Variants in BFAR observed in about 807,000 individuals in gnomAD.
BFAR encodes RING finger protein 47.
BFAR carries 52 observed loss-of-function variants against 54.4 expected under a neutral mutation model. The ratio of observed to expected loss-of-function variants is 0.96; its 90% CI spans 0.77 to 1.21. BFAR has a LOEUF of 1.21. Among genes scored for constraint, BFAR ranks in the 50% most tolerant of loss-of-function variants. The probability of loss-of-function intolerance (pLI) is 0.00; values close to 1 mark genes in which losing one functional copy is unlikely to be tolerated. For synonymous variants in BFAR, 215 were observed against 204.3 expected (o/e 1.05, Z -0.45); for missense variants, 571 against 534.0 (o/e 1.07, Z -0.68).
At chr16:14,641,744 C>T (rs992904577) in intron 1 of BFAR, among the ~76,000 whole-genome samples, 16 of 151,534 alleles carry the variant, frequency 1.1e-4, no homozygotes, top group African/African-American at 3.9e-4. Flanking sequence ...GCCTGTAATC[C>T]CAGCTACTTA....
intron 2 of BFAR, among the ~76,000 whole-genome samples, chr16:14,647,056 C>T (rs1405999528): frequency 2.6e-5 from 4 of 152,034 alleles, no homozygotes; most frequent in African/African-American, 4.8e-5. Flanking sequence ...AGATTACAGG[C>T]GTGAGCCACT....
chr16:14,663,955 A>C (rs1960363763), intron 6 of BFAR, among the ~76,000 whole-genome samples: 1 of 152,028 alleles, frequency 6.6e-6, no homozygotes, highest in African/African-American at 2.4e-5. Flanking sequence ...TTTGAGATTA[A>C]TTACGGCCGG....
rs530864447 is a variant in BFAR, at chr16:14,641,550, C to CA, written c.-73-2707dup. 5.9e-3 allele frequency among the ~76,000 whole-genome samples: 608 copies of CA among 102,394 alleles called. 3 individuals are homozygous for CA. Among genetic ancestry groups the CA allele is most frequent in the Admixed American group, 8.7e-3 (93 of 10,648 alleles). 67.2% of individuals were successfully genotyped at this position (102,394 alleles called of 152,430 possible). A position where few individuals can be genotyped will look rare whatever the true frequency, so the allele number is the denominator to read the frequency against. On this transcript the variant is annotated intron_variant, in intron 1 of 7. Transcript: ENST00000261658. ...TGGGCGACAGAGTGAGACTCCATCT[C>CA]AAAAAAAAAAAAAAAAAGTATACTA...
chr16:14,636,956 CAGAG>C (rs1959466321), intron 1 of BFAR, among the ~76,000 whole-genome samples: 1 of 152,192 alleles, frequency 6.6e-6, no homozygotes, highest in African/African-American at 2.4e-5. Flanking sequence ...GCACGTGTTT[CAGAG>C]AGCACGGGGT....
Position 14,648,550 on chromosome 16 carries a change from G to A in BFAR, c.426G>A (p.Gly142=), listed in dbSNP as rs1349993066. Residue 142 remains glycine (G), a synonymous_variant, in exon 3 of 8, where the codon GGG becomes GGA. Transcript: ENST00000261658. ...NTGRANQQMG[G]GFFSGVLTAL... is the part of the protein sequence containing the mutation. ...GCCGAGCGAATCAGCAGATGGGAGGGGGATTCTTTTCCGGTGTGCTCACAG... is the reference window on the plus strand; with the variant it reads ...GCCGAGCGAATCAGCAGATGGGAGGAGGATTCTTTTCCGGTGTGCTCACAG... The A allele has an allele frequency of 6.2e-7, 1 of 1,613,970 alleles. No individual in the cohort carries two copies. Among genetic ancestry groups the A allele is most frequent in the Non-Finnish European group, 8.5e-7 (1 of 1,179,962 alleles).
chr16:14,635,305 A>G (rs1959397923), intron 1 of BFAR, among the ~76,000 whole-genome samples: 1 of 152,232 alleles, frequency 6.6e-6, no homozygotes, highest in Non-Finnish European at 1.5e-5. Flanking sequence ...ACTGCACTCC[A>G]GCCTGGGCGA....
intron 6 of BFAR, among the ~76,000 whole-genome samples, chr16:14,664,450 G>A (rs555072209): frequency 6.6e-6 from 1 of 150,392 alleles, no homozygotes; most frequent in South Asian, 2.1e-4. Flanking sequence ...TTTCATTTTA[G>A]ATTGTTGGAT....
At chr16:14,641,207 CA>C in intron 1 of BFAR, among the ~76,000 whole-genome samples, 1 of 152,244 alleles carries the variant, frequency 6.6e-6, no homozygotes, top group South Asian at 2.1e-4. Context: ...AATGGAGCAC[CA>C]GGGGTAGGAA....
At chr16:14,664,215 A>C (rs986578771) in intron 6 of BFAR, among the ~76,000 whole-genome samples, 1 of 152,074 alleles carries the variant, frequency 6.6e-6, no homozygotes, top group South Asian at 2.1e-4. Flanking sequence ...AGGGGCATAC[A>C]TGCTTCAGAA....
At chr16:14,646,767 G>C (rs1959809645) in intron 2 of BFAR, among the ~76,000 whole-genome samples, 1 of 152,044 alleles carries the variant, frequency 6.6e-6, no homozygotes, top group South Asian at 2.1e-4. Flanking sequence ...CAAAGTGCTG[G>C]GATTACAGGC....
Position 14,661,749 on chromosome 16 carries a change from G to A in BFAR, c.784-143G>A, listed in dbSNP as rs1274136653. On this transcript the variant is annotated intron_variant, in intron 5 of 7. Transcript: ENST00000261658. ...TGTAACCCCAAATGTGGATCACTTG[G>A]CCTCTTCTTGCCGTTCATTCATTCA... 3 of 874,244 alleles carry A rather than the reference G, an allele frequency of 3.4e-6. No homozygotes were observed. In the African/African-American group the frequency reaches 5.0e-5, roughly 15 times the overall value. 54.2% of individuals were successfully genotyped at this position (874,244 alleles called of 1,614,324 possible).
intron 1 of BFAR, among the ~76,000 whole-genome samples, chr16:14,643,273 G>A (rs915928816): frequency 1.3e-5 from 2 of 151,604 alleles, no homozygotes; most frequent in Non-Finnish European, 2.9e-5. Flanking sequence ...TCACACCACC[G>A]CACTCCAGCC....
At chr16:14,657,294 G>C (rs1278708454) in intron 5 of BFAR, among the ~76,000 whole-genome samples, 4 of 151,628 alleles carry the variant, frequency 2.6e-5, no homozygotes, top group Non-Finnish European at 4.4e-5. Context: ...TGTCGCCCAG[G>C]CTGGAGTGCA....
At chr16:14,658,423 A>G (rs925383865) in intron 5 of BFAR, among the ~76,000 whole-genome samples, 6 of 152,122 alleles carry the variant, frequency 3.9e-5, no homozygotes, top group Non-Finnish European at 7.4e-5. Context: ...TCTGTCTTGA[A>G]CATGATTGAC....
chr16:14,636,016 G>C (rs1010133346), intron 1 of BFAR, among the ~76,000 whole-genome samples: 1 of 152,060 alleles, frequency 6.6e-6, no homozygotes, highest in Non-Finnish European at 1.5e-5. Context: ...ATTTGAGCAC[G>C]TTTTAATTTT....
chr16:14,643,530 A>G (rs1681137590), intron 1 of BFAR, among the ~76,000 whole-genome samples: 1 of 152,184 alleles, frequency 6.6e-6, no homozygotes, highest in Non-Finnish European at 1.5e-5. Flanking sequence ...TGGTATGTGG[A>G]TTTTAATAAA....
At chr16:14,662,528 T>C (rs1001513322) in intron 6 of BFAR, among the ~76,000 whole-genome samples, 2 of 152,140 alleles carry the variant, frequency 1.3e-5, no homozygotes, top group African/African-American at 4.8e-5. Context: ...TATTTATTGA[T>C]TGATTGTTTG....
chr16:14,660,592 T>C (rs1170278680), intron 5 of BFAR, among the ~76,000 whole-genome samples: 7 of 146,214 alleles, frequency 4.8e-5, no homozygotes, highest in Non-Finnish European at 1.1e-4. Context: ...GCCTTTTTTT[T>C]TTTTTTTTTA....
intron 6 of BFAR, 84 bp from the exon 7 acceptor site, chr16:14,664,785 C>G (rs1960391299): frequency 1.5e-6 from 2 of 1,330,000 alleles, no homozygotes; most frequent in Admixed American, 3.4e-5. Context: ...CAGGTGTGAG[C>G]CACCGTGCCT....
Sources: allele counts gnomAD v4.1 joint callset (sites outside exome capture counted in the v4.1 genomes callset), GRCh38; gene constraint gnomAD v4.1.1; transcripts MANE v1.5; gene names NCBI Gene and HGNC (gene_info 2026-07-23, HGNC 2026-07-21).